Variants in MRE11 observed in about 807,000 individuals in gnomAD.
MRE11 encodes the protein MRE11 double strand break repair nuclease, also known as double-strand break repair protein MRE11.
In MRE11, 62 loss-of-function variants were observed where a neutral mutation model predicts 91.7. The ratio of observed to expected loss-of-function variants is 0.68; its 90% confidence interval spans 0.55 to 0.84. The LOEUF (loss-of-function observed/expected upper bound fraction) is 0.84. Ranked by LOEUF, MRE11 falls within the 40% of genes least tolerant of loss-of-function variation. The pLI is 0.00. For synonymous variants in MRE11, 273 were observed against 271.4 expected (o/e 1.01, Z -0.06); for missense variants, 796 against 852.9 (o/e 0.93, Z 0.83).
In MRE11 at chr11:94,417,844, A is replaced by G. The variant is rs1020194334; in HGVS notation, c.*2281T>C. ...TCCTAAATGCTTGAATTTTCTAAGC[A>G]CCACTTATATTTTCAAGAATTTCCT... On this transcript the variant is annotated 3_prime_UTR_variant, in exon 20 of 20. Transcript: ENST00000323929. 1 of 233,002 alleles carries G rather than the reference A, an allele frequency of 4.3e-6. No individual in the cohort carries two copies. The highest frequency in any genetic ancestry group is 8.5e-6 in the Non-Finnish European group (1 of 117,980). 14.4% of individuals were successfully genotyped at this position (233,002 alleles called of 1,614,324 possible). A position where few individuals can be genotyped will look rare whatever the true frequency, so the allele number is the denominator to read the frequency against.
intron 19 of MRE11, among the ~76,000 whole-genome samples, chr11:94,422,656 CAT>C (rs1290465031): frequency 6.6e-6 from 1 of 152,104 alleles, no homozygotes; most frequent in Non-Finnish European, 1.5e-5. Flanking sequence ...GGGCACTCAA[CAT>C]ATGTTACTTG....
At chr11:94,446,435 T>A (rs1268277695) in intron 15 of MRE11, among the ~76,000 whole-genome samples, 1 of 151,930 alleles carries the variant, frequency 6.6e-6, no homozygotes, top group African/African-American at 2.4e-5. Context: ...AAAACAAAAA[T>A]AAAAATTTTT....
intron 12 of MRE11, among the ~76,000 whole-genome samples, chr11:94,460,498 AT>A (rs1946386452): frequency 6.6e-6 from 1 of 152,240 alleles, no homozygotes; most frequent in Admixed American, 6.5e-5. Flanking sequence ...AAGTAAGAAA[AT>A]AACAACAACA....
At chr11:94,497,262 G>T, upstream of MRE11, 1 of 494,296 alleles carries the variant, frequency 2.0e-6, no homozygotes, top group Non-Finnish European at 3.5e-6. Context: ...ACTATACCAG[G>T]TACCTTATTA....
At chr11:94,496,861 T>C (rs563639078), upstream of MRE11, 8 of 1,612,698 alleles carry the variant, frequency 5.0e-6, no homozygotes, top group Non-Finnish European at 5.9e-6. Flanking sequence ...AGGAGCAAGA[T>C]GACAAAAATG....
At chr11:94,460,230 G>A (rs916742401) in intron 12 of MRE11, among the ~76,000 whole-genome samples, 1 of 151,916 alleles carries the variant, frequency 6.6e-6, no homozygotes, top group Non-Finnish European at 1.5e-5. Flanking sequence ...TTCCAGTCCT[G>A]TGTACGATTT....
intron 2 of MRE11, 42 bp from the exon 3 acceptor site, chr11:94,491,007 C>A: frequency 8.8e-7 from 1 of 1,133,380 alleles, no homozygotes; most frequent in East Asian, 2.6e-5. Context: ...ATTAATAATT[C>A]ATTAAAGGAT....
At chr11:94,467,459 G>A (rs191674879) in intron 10 of MRE11, among the ~76,000 whole-genome samples, 220 of 152,198 alleles carry the variant, frequency 1.4e-3, no homozygotes, top group African/African-American at 5.1e-3. Context: ...GGTGACACGG[G>A]AGCAGACTAA....
intron 19 of MRE11, among the ~76,000 whole-genome samples, chr11:94,424,100 T>G (rs1306901748): frequency 6.6e-6 from 1 of 151,860 alleles, no homozygotes; most frequent in Non-Finnish European, 1.5e-5. Context: ...CCCTTATGAG[T>G]GGTCATCTCT....
intron 18 of MRE11, among the ~76,000 whole-genome samples, chr11:94,432,789 G>C (rs907555184): frequency 5.9e-5 from 9 of 152,220 alleles, no homozygotes; most frequent in African/African-American, 2.2e-4. Context: ...CTGGGAGACA[G>C]AGCGAGACTC....
At chr11:94,457,885 T>TCC (rs1158623244) in intron 13 of MRE11, among the ~76,000 whole-genome samples, 2 of 77,440 alleles carry the variant, frequency 2.6e-5, no homozygotes, top group African/African-American at 5.4e-5. Context: ...TCTCTCTCTC[T>TCC]CTCACACACA....
chr11:94,451,602 T>C (rs1946108730), intron 14 of MRE11, among the ~76,000 whole-genome samples: 1 of 152,048 alleles, frequency 6.6e-6, no homozygotes, highest in African/African-American at 2.4e-5. Context: ...AAGACCAATA[T>C]ATCCATTACC....
intron 17 of MRE11, 105 bp from the exon 18 acceptor site, chr11:94,436,004 G>A: frequency 9.5e-7 from 1 of 1,057,442 alleles, no homozygotes; most frequent in Admixed American, 1.8e-5. Context: ...TTATATATGA[G>A]CCACAAAAAA....
chr11:94,488,493 C>A (rs890455060), intron 3 of MRE11, among the ~76,000 whole-genome samples: 1 of 152,130 alleles, frequency 6.6e-6, no homozygotes, highest in African/African-American at 2.4e-5. Flanking sequence ...ACCACAAAGA[C>A]ACAGCACACA....
At chr11:94,491,226 T>A (rs531642273) in intron 2 of MRE11, among the ~76,000 whole-genome samples, 180 of 152,192 alleles carry the variant, frequency 1.2e-3, no homozygotes, top group Non-Finnish European at 2.4e-3. Context: ...TATAACCTTG[T>A]TATAACCAGT....
At chr11:94,433,157 C>T (rs1439371282) in intron 18 of MRE11, among the ~76,000 whole-genome samples, 2 of 152,220 alleles carry the variant, frequency 1.3e-5, no homozygotes, top group African/African-American at 4.8e-5. Context: ...CTCCATTTCA[C>T]CTACCACCAG....
Position 94,465,397 on chromosome 11 carries a change from T to TC in MRE11, c.1099-1159_1099-1158insG, listed in dbSNP as rs1946536347. ...ACCCAGACCATCTCTCTCTCTCTCTTTTTTTTTTTTTTTTTTTTGAGATGG... is the reference window on the plus strand; with the variant it reads ...ACCCAGACCATCTCTCTCTCTCTCTTCTTTTTTTTTTTTTTTTTTGAGATGG... On this transcript the variant is annotated intron_variant, in intron 10 of 19. Coordinates refer to ENST00000323929, the MANE Select transcript of MRE11 (RefSeq NM_005591.4). Among the ~76,000 whole-genome samples the TC allele has an allele frequency of 2.9e-5, 4 of 139,634 alleles. No individual in the cohort carries two copies. The South Asian group carries it at 9.0e-4, about 32-fold the overall frequency. 91.6% of individuals were successfully genotyped at this position (139,634 alleles called of 152,430 possible).
intron 3 of MRE11, among the ~76,000 whole-genome samples, chr11:94,488,241 T>C (rs1947192370): frequency 6.6e-6 from 1 of 152,190 alleles, no homozygotes; most frequent in South Asian, 2.1e-4. Context: ...GGCCACAAGT[T>C]TTTTTGCCTT....
At chr11:94,496,969 A>G, upstream of MRE11, 1 of 1,612,024 alleles carries the variant, frequency 6.2e-7, no homozygotes, top group Non-Finnish European at 8.5e-7. Flanking sequence ...AAAAAATTAC[A>G]GAGGGAAGTG....
Sources: gnomAD v4.1 joint callset for allele counts (sites outside exome capture counted in the v4.1 genomes callset) on GRCh38, gnomAD v4.1.1 for gene constraint, MANE v1.5 for transcripts, NCBI Gene and HGNC (gene_info 2026-07-23, HGNC 2026-07-21) for gene names.